DGKI: variants seen among roughly 807,000 people sequenced by gnomAD.
DGKI encodes the protein DAG kinase iota.
In DGKI, 55 loss-of-function variants were observed where a neutral mutation model predicts 147.5. The ratio of observed to expected loss-of-function variants is 0.37; its 90% CI spans 0.30 to 0.47. The LOEUF is 0.47. DGKI is among the 20% of genes least tolerant of loss of function. The pLI, the probability that DGKI is intolerant of heterozygous loss-of-function variation, is 1.00. For synonymous variants in DGKI, 469 were observed against 477.1 expected (o/e 0.98, Z 0.22); for missense variants, 1,007 against 1,323.8 (o/e 0.76, Z 3.71).
intron 12 of DGKI, among the ~76,000 whole-genome samples, chr7:137,597,212 T>C (rs1819827604): frequency 6.6e-6 from 1 of 152,206 alleles, no homozygotes; most frequent in South Asian, 2.1e-4. Flanking sequence ...CAATGTATTA[T>C]ATATTTCAAA....
intron 3 of DGKI, among the ~76,000 whole-genome samples, chr7:137,667,580 T>C (rs1238743590): frequency 3.3e-5 from 5 of 152,206 alleles, no homozygotes; most frequent in African/African-American, 1.2e-4. Context: ...TTTGTGGAAA[T>C]AGAATTATTT....
At chr7:137,759,812 C>T (rs1343204780) in intron 1 of DGKI, among the ~76,000 whole-genome samples, 1 of 152,160 alleles carries the variant, frequency 6.6e-6, no homozygotes, top group South Asian at 2.1e-4. Context: ...TCTCTCTCCT[C>T]CTTTTCGTCC....
intron 19 of DGKI, among the ~76,000 whole-genome samples, chr7:137,560,116 C>T (rs940086528): frequency 6.6e-6 from 1 of 151,920 alleles, no homozygotes; most frequent in African/African-American, 2.4e-5. Flanking sequence ...ATGTATCATC[C>T]ACTAGGACAA....
At chr7:137,613,831 G>A (rs993011862) in intron 8 of DGKI, among the ~76,000 whole-genome samples, 2 of 152,000 alleles carry the variant, frequency 1.3e-5, no homozygotes, top group Non-Finnish European at 2.9e-5. Context: ...TACTAAGAAA[G>A]GCAAGTTTTA....
chr7:137,597,535 T>C (rs1819839543), intron 12 of DGKI, among the ~76,000 whole-genome samples: 2 of 152,216 alleles, frequency 1.3e-5, no homozygotes, highest in Non-Finnish European at 2.9e-5. Context: ...TGGAAACAGT[T>C]CAGCTTATAT....
intron 1 of DGKI, among the ~76,000 whole-genome samples, chr7:137,821,176 A>C (rs764509603): frequency 6.6e-6 from 1 of 152,242 alleles, no homozygotes; most frequent in Non-Finnish European, 1.5e-5. Flanking sequence ...CACAGGCTAC[A>C]GAGAAGAGCA....
intron 1 of DGKI, among the ~76,000 whole-genome samples, chr7:137,814,197 C>G (rs1797670969): frequency 6.6e-6 from 1 of 152,180 alleles, no homozygotes. Flanking sequence ...ACCCCACACA[C>G]AGGAGCCTTC....
chr7:137,395,809 G>T, intron 31 of DGKI, 112 bp from the exon 32 acceptor site: 1 of 917,016 alleles, frequency 1.1e-6, no homozygotes, highest in Non-Finnish European at 1.7e-6. Context: ...GTAGGCTGCT[G>T]AGACTTTGGC....
intron 30 of DGKI, among the ~76,000 whole-genome samples, chr7:137,401,397 G>A (rs1811754710): frequency 6.6e-6 from 1 of 151,930 alleles, no homozygotes; most frequent in Non-Finnish European, 1.5e-5. Context: ...TGGGCGTGGT[G>A]GTACATGCCT....
intron 16 of DGKI, among the ~76,000 whole-genome samples, chr7:137,577,980 G>A (rs1027699452): frequency 6.6e-6 from 1 of 152,192 alleles, no homozygotes; most frequent in African/African-American, 2.4e-5. Flanking sequence ...TGGCTTTGAT[G>A]TTTGTTTCTC....
In DGKI at chr7:137,386,671, A is replaced by C. The variant is rs1811185634; in HGVS notation, c.*4549T>G. 1 of 152,082 alleles carries C rather than the reference A, an allele frequency of 6.6e-6. No individual in the cohort carries two copies. Among genetic ancestry groups the C allele is most frequent in the African/African-American group, 2.4e-5 (1 of 41,422 alleles). The allele number at this position is 152,082 out of a possible 1,614,324, so 9.4% of individuals were successfully genotyped here. On this transcript the variant is annotated 3_prime_UTR_variant, in exon 33 of 33. Transcript: ENST00000614521. The stretch of plus-strand genomic sequence containing the variant: ...CTATGGCCCAAAACTTAGAGAGACA[A>C]GAGATAATGGATGACTGGGGACACA...
chr7:137,502,615 C>T (rs934901593), intron 21 of DGKI, among the ~76,000 whole-genome samples: 1 of 151,972 alleles, frequency 6.6e-6, no homozygotes. Flanking sequence ...AAATAATATA[C>T]CAGTTTTACT....
intron 28 of DGKI, among the ~76,000 whole-genome samples, chr7:137,431,003 AC>A (rs1413529000): frequency 6.6e-6 from 1 of 152,114 alleles, no homozygotes; most frequent in Non-Finnish European, 1.5e-5. Flanking sequence ...ATATCCTCAC[AC>A]AAGTCTACCA....
chr7:137,815,519 T>A (rs1797712232), intron 1 of DGKI, among the ~76,000 whole-genome samples: 1 of 152,234 alleles, frequency 6.6e-6, no homozygotes, highest in Admixed American at 6.5e-5. Context: ...AATGAAATGA[T>A]ACATTTATTC....
At chr7:137,523,789 C>A (rs1351635952) in intron 20 of DGKI, among the ~76,000 whole-genome samples, 1 of 152,082 alleles carries the variant, frequency 6.6e-6, no homozygotes, top group Admixed American at 6.6e-5. Flanking sequence ...AGATACAGAC[C>A]TTCAGTTAGT....
chr7:137,540,178 A>G (rs1817642013), intron 20 of DGKI, among the ~76,000 whole-genome samples: 1 of 152,176 alleles, frequency 6.6e-6, no homozygotes, highest in Non-Finnish European at 1.5e-5. Flanking sequence ...AACAAATAAT[A>G]CCCTAATCTT....
At chr7:137,435,020 A>C (rs762788741) in intron 28 of DGKI, among the ~76,000 whole-genome samples, 23 of 152,216 alleles carry the variant, frequency 1.5e-4, no homozygotes, top group Admixed American at 2.6e-4. Flanking sequence ...AATCTCTGGA[A>C]AAAGACCAGG....
intron 28 of DGKI, among the ~76,000 whole-genome samples, chr7:137,442,882 G>T (rs912727105): frequency 6.6e-6 from 1 of 152,154 alleles, no homozygotes; most frequent in African/African-American, 2.4e-5. Context: ...TGAAATTTGC[G>T]CATTAAGCCC....
chr7:137,479,251 A>G (rs1277364817), intron 23 of DGKI, among the ~76,000 whole-genome samples: 3 of 152,226 alleles, frequency 2.0e-5, no homozygotes, highest in African/African-American at 7.2e-5. Flanking sequence ...TATTTTAAAT[A>G]TAATAATCTT....
Sources: allele counts gnomAD v4.1 joint callset (sites outside exome capture counted in the v4.1 genomes callset), GRCh38; gene constraint gnomAD v4.1.1; transcripts MANE v1.5; gene names NCBI Gene and HGNC (gene_info 2026-07-23, HGNC 2026-07-21).